The following MB21D2 variants were observed in gnomAD, a reference collection of about 807,000 sequenced individuals.
The protein encoded by MB21D2 is Mab-21 domain containing 2, also known as nucleotidyltransferase MB21D2.
MB21D2 carries 9 observed loss-of-function variants against 33.3 expected under a neutral mutation model. That is an observed-to-expected ratio of 0.27 (90% CI 0.16 to 0.47). MB21D2 has a LOEUF of 0.47. Ranked by LOEUF, MB21D2 falls within the 20% of genes least tolerant of loss-of-function variation. The pLI is 0.99. For synonymous variants in MB21D2, 241 were observed against 236.3 expected, an observed-to-expected ratio of 1.02 and a Z score of -0.18; for missense variants, 540 against 624.6, an observed-to-expected ratio of 0.86 and a Z score of 1.44.
intron 1 of MB21D2, among the ~76,000 whole-genome samples, chr3:192,886,088 TA>T (rs996317680): frequency 2.2e-4 from 33 of 152,124 alleles, no homozygotes; most frequent in African/African-American, 8.0e-4. Context: ...GCCTCCCAAG[TA>T]GCTGGGATTA....
chr3:192,808,084 T>C (rs1027468506), intron 1 of MB21D2, among the ~76,000 whole-genome samples: 1 of 152,132 alleles, frequency 6.6e-6, no homozygotes, highest in Non-Finnish European at 1.5e-5. Flanking sequence ...CTCTGGGCAT[T>C]CTCTTTTTGG....
At chr3:192,814,865 A>C (rs78968508) in intron 1 of MB21D2, among the ~76,000 whole-genome samples, 6 of 29,884 alleles carry the variant, frequency 2.0e-4, no homozygotes, top group Non-Finnish European at 4.0e-4. Flanking sequence ...ACTCCATCCC[A>C]AAAAAAAAAA....
At chr3:192,850,282 G>A (rs1345351608) in intron 1 of MB21D2, among the ~76,000 whole-genome samples, 1 of 152,142 alleles carries the variant, frequency 6.6e-6, no homozygotes, top group Non-Finnish European at 1.5e-5. Flanking sequence ...TCTCCCAGGA[G>A]ACAGACTCTA....
intron 1 of MB21D2, among the ~76,000 whole-genome samples, chr3:192,860,434 A>G (rs188132243): frequency 6.6e-6 from 1 of 152,322 alleles, no homozygotes; most frequent in East Asian, 1.9e-4. Flanking sequence ...TCTGGGAAAC[A>G]AGTATATTTC....
In MB21D2 at chr3:192,815,248, G is replaced by A. The variant is rs769028167; in HGVS notation, c.212-15598C>T. The stretch of plus-strand genomic sequence containing the variant: ...CAAGGTTATTTATTCCAACTGCCAT[G>A]GTATGTATGAGGTTGCTAAGGCCCA... On this transcript the variant is annotated intron_variant, in intron 1 of 1. Coordinates refer to ENST00000392452, the MANE Select transcript of MB21D2 (RefSeq NM_178496.4). 6.4e-4 allele frequency among the ~76,000 whole-genome samples: 98 copies of A among 152,284 alleles called. 2 individuals are homozygous for A. The highest frequency in any genetic ancestry group is 3.4e-3 in the Middle Eastern group (1 of 294).
At chr3:192,884,370 T>TTTG (rs1174549816) in intron 1 of MB21D2, among the ~76,000 whole-genome samples, 6 of 151,942 alleles carry the variant, frequency 3.9e-5, no homozygotes, top group East Asian at 3.8e-4. Flanking sequence ...GCATGTCTTT[T>TTTG]TTGTTGTTGT....
intron 1 of MB21D2, among the ~76,000 whole-genome samples, chr3:192,864,984 C>G (rs1249886392): frequency 2.0e-5 from 3 of 152,190 alleles, no homozygotes; most frequent in African/African-American, 7.2e-5. Context: ...AAAAACCAGA[C>G]AGAAGACATC....
At chr3:192,895,939 C>A (rs905118200) in intron 1 of MB21D2, among the ~76,000 whole-genome samples, 1 of 152,178 alleles carries the variant, frequency 6.6e-6, no homozygotes, top group Non-Finnish European at 1.5e-5. Context: ...AAGAATCACA[C>A]TAGACCTTTA....
chr3:192,846,849 A>T (rs779903770), intron 1 of MB21D2, among the ~76,000 whole-genome samples: 2 of 152,218 alleles, frequency 1.3e-5, no homozygotes, highest in Non-Finnish European at 2.9e-5. Flanking sequence ...TTTCTCTTAT[A>T]CCTGTTTCAA....
intron 1 of MB21D2, among the ~76,000 whole-genome samples, chr3:192,863,591 C>T (rs773987095): frequency 3.9e-5 from 6 of 152,094 alleles, no homozygotes; most frequent in Non-Finnish European, 7.3e-5. Context: ...AAGACAAGGA[C>T]GAAGAAGACA....
intron 1 of MB21D2, among the ~76,000 whole-genome samples, chr3:192,825,986 G>T (rs978140705): frequency 6.6e-5 from 10 of 152,194 alleles, no homozygotes; most frequent in African/African-American, 2.2e-4. Context: ...AGGGGAATGT[G>T]GTGTGGTCTA....
rs1061860 is a variant in MB21D2, at chr3:192,797,768, G to A, written c.*618C>T. 89,827 of 152,398 alleles carry A rather than the reference G, an allele frequency of 0.59. 27,903 individuals carry two copies. The highest frequency in any genetic ancestry group is 0.79 in the African/African-American group (32,913 of 41,466). 9.4% of individuals were successfully genotyped at this position (152,398 alleles called of 1,614,324 possible). On this transcript the variant is annotated 3_prime_UTR_variant, in exon 2 of 2. Coordinates refer to ENST00000392452, the MANE Select transcript of MB21D2 (RefSeq NM_178496.4). ...CCCTTCAAACCACCCAGTGTTCTCT[G>A]ATTTGAGGACAATTACATTCAATGA...
chr3:192,836,583 C>T (rs1350791331), intron 1 of MB21D2, among the ~76,000 whole-genome samples: 1 of 152,172 alleles, frequency 6.6e-6, no homozygotes, highest in Non-Finnish European at 1.5e-5. Flanking sequence ...TGTGAGGACA[C>T]AGCAAGCAGG....
intron 1 of MB21D2, among the ~76,000 whole-genome samples, chr3:192,908,016 C>G (rs769278): frequency 5.1e-4 from 78 of 152,284 alleles, no homozygotes; most frequent in African/African-American, 1.8e-3. Flanking sequence ...ATGGACATTT[C>G]TTATATTGCC....
chr3:192,858,825 C>T (rs1401439200), intron 1 of MB21D2, among the ~76,000 whole-genome samples: 1 of 152,176 alleles, frequency 6.6e-6, no homozygotes, highest in Admixed American at 6.5e-5. Flanking sequence ...TACAGGTATA[C>T]AGGTATTGCA....
chr3:192,909,843 A>G (rs1714301421), intron 1 of MB21D2, among the ~76,000 whole-genome samples: 1 of 150,628 alleles, frequency 6.6e-6, no homozygotes, highest in Non-Finnish European at 1.5e-5. Context: ...GAGGCAGGAG[A>G]ATCACTGGAA....
chr3:192,888,566 C>G (rs1016916831), intron 1 of MB21D2, among the ~76,000 whole-genome samples: 1 of 152,032 alleles, frequency 6.6e-6, no homozygotes, highest in Admixed American at 6.5e-5. Context: ...CAAAGTCTTC[C>G]GTCCTCAGAG....
At chr3:192,824,195 C>A (rs1231226388) in intron 1 of MB21D2, among the ~76,000 whole-genome samples, 1 of 152,138 alleles carries the variant, frequency 6.6e-6, no homozygotes, top group Non-Finnish European at 1.5e-5. Flanking sequence ...ATGTCACACC[C>A]CAGTGTCTAA....
intron 1 of MB21D2, among the ~76,000 whole-genome samples, chr3:192,832,721 C>T (rs978594353): frequency 6.6e-6 from 1 of 151,994 alleles, no homozygotes; most frequent in Non-Finnish European, 1.5e-5. Flanking sequence ...ACCCGGGAGG[C>T]GGAGGTTGCA....
Sources: allele counts gnomAD v4.1 joint callset (sites outside exome capture counted in the v4.1 genomes callset), GRCh38; gene constraint gnomAD v4.1.1; transcripts MANE v1.5; gene names NCBI Gene and HGNC (gene_info 2026-07-23, HGNC 2026-07-21).